The following HACE1 variants were observed in gnomAD, a reference collection of about 807,000 sequenced individuals.
The protein encoded by HACE1 is HECT domain and ankyrin repeat containing E3 ubiquitin protein ligase 1.
A neutral mutation model predicts 118.4 loss-of-function variants in HACE1; 73 were observed. The observed-to-expected ratio is 0.62, with a 90% CI of 0.51 to 0.75. HACE1 has a LOEUF of 0.75. Among genes scored for constraint, HACE1 ranks in the 30% least tolerant of loss-of-function variants. The pLI is 0.00. For missense variants in HACE1, 749 were observed against 1,102.2 expected, an observed-to-expected ratio of 0.68 and a Z score of 4.54; for synonymous variants, 368 against 374.8, an observed-to-expected ratio of 0.98 and a Z score of 0.21.
At chr6:104,757,846 G>C in intron 19 of HACE1, among the ~76,000 whole-genome samples, 1 of 152,126 alleles carries the variant, frequency 6.6e-6, no homozygotes, top group African/African-American at 2.4e-5. Context: ...GTAGAGAAGA[G>C]CTTAAATGAC....
chr6:104,825,265 A>C (rs761936681), intron 6 of HACE1, among the ~76,000 whole-genome samples: 3 of 152,122 alleles, frequency 2.0e-5, no homozygotes, highest in Non-Finnish European at 4.4e-5. Context: ...TCCACGCCTA[A>C]GTAACAAAAG....
Position 104,771,305 on chromosome 6 carries a change from C to T in HACE1, c.2099G>A (p.Ser700Asn), listed in dbSNP as rs1180970213. 1 of 1,611,132 alleles carries T rather than the reference C, an allele frequency of 6.2e-7. No homozygotes were observed. The highest frequency in any genetic ancestry group is 8.5e-7 in the Non-Finnish European group (1 of 1,177,444). ...NLQWILDNDISDLGLELTFSV... is the reference protein window; with the variant it reads ...NLQWILDNDINDLGLELTFSV... ...AAAAGTTAGTTCTAGACCCAGATCA[C>T]TTATATCATTATCTAAAATCCATTG... is the stretch of plus-strand genomic sequence containing the variant. The change falls in exon 19 of 24, where the codon AGT becomes AAT. Residue 700 changes from serine to asparagine, a missense_variant. Around this residue, in one of 5 missense-constraint regions of HACE1, gnomAD observed 195 missense variants for 322.1 expected, o/e 0.61. Transcript: ENST00000262903.
chr6:104,835,797 G>C lies in HACE1; in HGVS notation c.403-2624C>G, dbSNP rs551805069. On this transcript the variant is annotated intron_variant, in intron 5 of 23. Coordinates refer to ENST00000262903, the MANE Select transcript of HACE1 (RefSeq NM_020771.4). ...TAATCACAGGATTTTAGAACACTAA[G>C]GACAAAGTAGATTCTATAAGTTTCT... Among the ~76,000 whole-genome samples the C allele has an allele frequency of 2.6e-5, 4 of 152,168 alleles. No homozygotes were observed. The East Asian group carries it at 7.7e-4, about 29-fold the overall frequency.
intron 17 of HACE1, among the ~76,000 whole-genome samples, chr6:104,774,631 G>A (rs1386244448): frequency 6.6e-5 from 10 of 151,724 alleles, no homozygotes; most frequent in Non-Finnish European, 1.3e-4. Context: ...TGATCTGCCC[G>A]CCTCGGCCTC....
At chr6:104,790,117 CAT>C (rs1491481550) in intron 11 of HACE1, among the ~76,000 whole-genome samples, 23 of 151,292 alleles carry the variant, frequency 1.5e-4, no homozygotes, top group Non-Finnish European at 3.1e-4. Flanking sequence ...CACACACACA[CAT>C]ACATATATGG....
chr6:104,729,501 G>T lies in HACE1; in HGVS notation c.*161C>A. Reference sequence around the variant, plus strand: ...TATCACAAACAGAGAAAACATAAAAGGGAAAAGAGAGAAACAGAAAACCTG... The same window carrying T: ...TATCACAAACAGAGAAAACATAAAATGGAAAAGAGAGAAACAGAAAACCTG... On this transcript the variant is annotated 3_prime_UTR_variant, in exon 24 of 24. Coordinates refer to ENST00000262903, the MANE Select transcript of HACE1 (RefSeq NM_020771.4). 1.6e-6 allele frequency: 1 copy of T among 638,448 alleles called. No individual in the cohort carries two copies. 39.5% of individuals were successfully genotyped at this position (638,448 alleles called of 1,614,324 possible).
intron 3 of HACE1, among the ~76,000 whole-genome samples, chr6:104,849,892 C>T (rs185813767): frequency 4.0e-5 from 6 of 151,400 alleles, no homozygotes; most frequent in East Asian, 2.0e-4. Flanking sequence ...CCTCAAGATC[C>T]GCCCGCCTCG....
At chr6:104,780,325 AT>A in intron 14 of HACE1, 1 of 449,216 alleles carries the variant, frequency 2.2e-6, no homozygotes, top group South Asian at 1.6e-5. Context: ...CAAATGGTAC[AT>A]TTTTGTATGT....
At chr6:104,828,952 TA>T (rs1773592591) in intron 6 of HACE1, among the ~76,000 whole-genome samples, 1 of 152,102 alleles carries the variant, frequency 6.6e-6, no homozygotes, top group African/African-American at 2.4e-5. Context: ...AGATTTACTC[TA>T]AAATGAGATT....
intron 7 of HACE1, among the ~76,000 whole-genome samples, chr6:104,801,305 C>G (rs1770318660): frequency 6.6e-6 from 1 of 152,114 alleles, no homozygotes; most frequent in South Asian, 2.1e-4. Context: ...AGGATATTAT[C>G]CAGGAGGACT....
intron 20 of HACE1, among the ~76,000 whole-genome samples, chr6:104,746,444 G>T (rs1777430433): frequency 6.6e-6 from 1 of 152,186 alleles, no homozygotes; most frequent in African/African-American, 2.4e-5. Context: ...CTTTGGTTTG[G>T]GTTTGGAGCC....
intron 3 of HACE1, among the ~76,000 whole-genome samples, chr6:104,850,349 T>A (rs919033510): frequency 5.3e-5 from 8 of 152,218 alleles, no homozygotes; most frequent in Non-Finnish European, 8.8e-5. Flanking sequence ...ATGAAAATTA[T>A]AAAGTATTTG....
intron 10 of HACE1, among the ~76,000 whole-genome samples, chr6:104,793,568 G>A (rs994705032): frequency 1.3e-5 from 2 of 152,088 alleles, no homozygotes; most frequent in Non-Finnish European, 2.9e-5. Context: ...TTTTCCAAAA[G>A]TGTGCTGGAT....
chr6:104,827,610 T>C (rs998271001), intron 6 of HACE1, among the ~76,000 whole-genome samples: 2 of 152,166 alleles, frequency 1.3e-5, no homozygotes, highest in African/African-American at 4.8e-5. Context: ...ATAAATACAA[T>C]TACTCTGACC....
At chr6:104,736,261 G>A (rs1298558141) in intron 22 of HACE1, among the ~76,000 whole-genome samples, 2 of 151,394 alleles carry the variant, frequency 1.3e-5, no homozygotes, top group Non-Finnish European at 2.9e-5. Flanking sequence ...TAATAGTTAT[G>A]TCTTATTTAT....
chr6:104,826,926 T>C (rs548797543), intron 6 of HACE1, among the ~76,000 whole-genome samples: 16 of 152,170 alleles, frequency 1.1e-4, no homozygotes, highest in Non-Finnish European at 2.2e-4. Flanking sequence ...AATAAGAAAC[T>C]ATTGCGGAGG....
intron 19 of HACE1, among the ~76,000 whole-genome samples, chr6:104,768,753 A>C (rs1354515607): frequency 6.6e-6 from 1 of 152,126 alleles, no homozygotes; most frequent in Non-Finnish European, 1.5e-5. Flanking sequence ...CAAAATGTAA[A>C]TATATATAGT....
intron 14 of HACE1, 79 bp from the exon 15 acceptor site, chr6:104,777,396 C>G (rs1444871393): frequency 8.2e-6 from 7 of 851,238 alleles, no homozygotes; most frequent in Admixed American, 3.5e-5. Flanking sequence ...TTGCTAAATG[C>G]CTTTTCTACA....
intron 22 of HACE1, among the ~76,000 whole-genome samples, chr6:104,739,848 A>G (rs547143586): frequency 2.5e-3 from 383 of 152,064 alleles, no homozygotes; most frequent in African/African-American, 8.9e-3. Context: ...CTCCACCCCA[A>G]ATCAACAGAA....
Sources: allele counts gnomAD v4.1 joint callset (sites outside exome capture counted in the v4.1 genomes callset), GRCh38; gene constraint gnomAD v4.1.1; regional missense constraint gnomAD v4.1.1; transcripts MANE v1.5; gene names NCBI Gene and HGNC (gene_info 2026-07-23, HGNC 2026-07-21).